The following CDKL4 variants were observed in gnomAD, a reference collection of about 807,000 sequenced individuals.
CDKL4 encodes cyclin-dependent kinase-like 4.
A neutral mutation model predicts 42.0 loss-of-function variants in CDKL4; 44 were observed. The ratio of observed to expected loss-of-function variants is 1.05; its 90% CI spans 0.82 to 1.35. CDKL4 has a LOEUF of 1.35. Among genes scored for constraint, CDKL4 ranks in the 40% most tolerant of loss-of-function variants. The probability of loss-of-function intolerance (pLI) is 0.00; values close to 1 mark genes in which losing one functional copy is unlikely to be tolerated. For missense variants in CDKL4, 393 were observed against 369.9 expected, an observed-to-expected ratio of 1.06 and a Z score of -0.51; for synonymous variants, 120 against 121.6, an observed-to-expected ratio of 0.99 and a Z score of 0.09.
At chr2:39,239,090 A>C (rs1011785572) in intron 1 of CDKL4, among the ~76,000 whole-genome samples, 2 of 152,198 alleles carry the variant, frequency 1.3e-5, no homozygotes, top group Non-Finnish European at 2.9e-5. Context: ...CAATTCGACA[A>C]GGAAAGAATA....
intron 4 of CDKL4, among the ~76,000 whole-genome samples, chr2:39,205,569 G>A (rs1430340891): frequency 2.6e-5 from 4 of 151,642 alleles, no homozygotes; most frequent in Non-Finnish European, 1.5e-5. Context: ...GACCATCCTG[G>A]CCAACACGGT....
chr2:39,192,970 A>AG (rs988090202), intron 5 of CDKL4, among the ~76,000 whole-genome samples: 5 of 151,798 alleles, frequency 3.3e-5, no homozygotes, highest in African/African-American at 1.2e-4. Context: ...TACAAAAAAA[A>AG]TAAAAAAATC....
chr2:39,213,736 TA>T (rs1411098959), intron 3 of CDKL4, among the ~76,000 whole-genome samples: 1 of 150,662 alleles, frequency 6.6e-6, no homozygotes, highest in Non-Finnish European at 1.5e-5. Context: ...AGTAAAGGAA[TA>T]AAAAAAAGAA....
chr2:39,199,257 C>T (rs1676702267), intron 5 of CDKL4, among the ~76,000 whole-genome samples: 1 of 151,966 alleles, frequency 6.6e-6, no homozygotes, highest in African/African-American at 2.4e-5. Context: ...GGATAAATTC[C>T]TGGAAATATG....
intron 4 of CDKL4, among the ~76,000 whole-genome samples, chr2:39,208,076 T>C (rs1055782229): frequency 1.3e-5 from 2 of 152,058 alleles, no homozygotes; most frequent in African/African-American, 4.8e-5. Flanking sequence ...GACCCCAGCC[T>C]GGGCGACAGA....
the CDKL4 span, among the ~76,000 whole-genome samples, chr2:39,168,389 T>C: frequency 6.6e-6 from 1 of 152,198 alleles, no homozygotes; most frequent in Non-Finnish European, 1.5e-5. Context: ...TATATGCCTG[T>C]TGAGTAGGAT....
At chr2:39,236,632 A>G (rs891589231) in intron 1 of CDKL4, among the ~76,000 whole-genome samples, 6 of 152,188 alleles carry the variant, frequency 3.9e-5, no homozygotes, top group Non-Finnish European at 5.9e-5. Flanking sequence ...AACAATAAAC[A>G]AAAACTGGTT....
At chr2:39,241,724 A>G (rs528837702) in intron 1 of CDKL4, among the ~76,000 whole-genome samples, 1 of 152,152 alleles carries the variant, frequency 6.6e-6, no homozygotes, top group East Asian at 1.9e-4. Flanking sequence ...GCTTCTCCCA[A>G]TCCCCAAAAG....
At chr2:39,220,297 G>T (rs1678223007) in intron 3 of CDKL4, among the ~76,000 whole-genome samples, 1 of 152,082 alleles carries the variant, frequency 6.6e-6, no homozygotes, top group African/African-American at 2.4e-5. Context: ...CCTGAGGCAG[G>T]TGCATTTTGT....
rs572039553 is a variant in CDKL4 at position 39,234,769 on chromosome 2, A to G, written c.-56-5181T>C. ...TGACATCAGACTTATCAAGAGCAAT[A>G]TACATTACAAAGTAACAGTGCAGCA... is the stretch of plus-strand genomic sequence containing the variant. On this transcript the variant is annotated intron_variant, in intron 1 of 9. Coordinates refer to ENST00000451199, the Ensembl canonical transcript of CDKL4. Among the ~76,000 whole-genome samples, 5 of 152,340 alleles carry G rather than the reference A, an allele frequency of 3.3e-5. No individual in the cohort carries two copies. In the East Asian group the frequency reaches 9.6e-4, roughly 29 times the overall value.
intron 2 of CDKL4, among the ~76,000 whole-genome samples, chr2:39,227,208 T>C (rs769528822): frequency 3.9e-5 from 6 of 152,216 alleles, no homozygotes; most frequent in Non-Finnish European, 8.8e-5. Context: ...CCATCTTCCC[T>C]GTTGTTTTCC....
chr2:39,169,264 T>C, the CDKL4 span, among the ~76,000 whole-genome samples: 1 of 152,218 alleles, frequency 6.6e-6, no homozygotes, highest in Non-Finnish European at 1.5e-5. Flanking sequence ...ACCTATTTTA[T>C]TTACACTCAT....
chr2:39,233,187 A>G (rs1558585818), intron 1 of CDKL4, among the ~76,000 whole-genome samples: 3 of 152,118 alleles, frequency 2.0e-5, no homozygotes, highest in African/African-American at 7.2e-5. Flanking sequence ...AGCTTTAAGA[A>G]AGACAGAAGA....
chr2:39,205,556 A>G (rs1316109355), intron 4 of CDKL4, among the ~76,000 whole-genome samples: 1 of 151,848 alleles, frequency 6.6e-6, no homozygotes, highest in African/African-American at 2.4e-5. Flanking sequence ...GTCAGGAGAT[A>G]GAGACCATCC....
downstream of CDKL4, among the ~76,000 whole-genome samples, chr2:39,174,082 T>G (rs1002512949): frequency 6.6e-6 from 1 of 151,994 alleles, no homozygotes; most frequent in Admixed American, 6.6e-5. Flanking sequence ...ACACTAAGAA[T>G]GTAGGCCAGA....
chr2:39,196,892 C>T (rs1676549938), intron 5 of CDKL4, among the ~76,000 whole-genome samples: 1 of 152,186 alleles, frequency 6.6e-6, no homozygotes, highest in Non-Finnish European at 1.5e-5. Flanking sequence ...CAGGCGTAAG[C>T]CACTGTGCCT....
intron 3 of CDKL4, among the ~76,000 whole-genome samples, chr2:39,219,187 T>G (rs536585480): frequency 6.6e-6 from 1 of 152,318 alleles, no homozygotes; most frequent in African/African-American, 2.4e-5. Context: ...ACTAAAACCC[T>G]GTGACAAATC....
intron 3 of CDKL4, among the ~76,000 whole-genome samples, chr2:39,218,511 A>C (rs193282832): frequency 5.7e-4 from 86 of 152,200 alleles, no homozygotes; most frequent in South Asian, 2.1e-3. Flanking sequence ...AACAAAAAAA[A>C]CCCAAAACAT....
the CDKL4 span, among the ~76,000 whole-genome samples, chr2:39,170,447 T>G: frequency 6.6e-6 from 1 of 151,818 alleles, no homozygotes; most frequent in African/African-American, 2.4e-5. Flanking sequence ...TTTTTAGTTT[T>G]TTGTTGTTGT....
Sources: allele counts gnomAD v4.1 joint callset (sites outside exome capture counted in the v4.1 genomes callset), GRCh38; gene constraint gnomAD v4.1.1; transcripts MANE v1.5; gene names NCBI Gene and HGNC (gene_info 2026-07-23, HGNC 2026-07-21).